CD109: variants seen among roughly 807,000 people sequenced by gnomAD.
The protein encoded by CD109 is CD109 molecule.
In CD109, 149 loss-of-function variants were observed where a neutral mutation model predicts 165.8. That is an observed-to-expected ratio of 0.90 (90% CI 0.79 to 1.03). The LOEUF is 1.03. Among genes scored for constraint, CD109 ranks in the 50% least tolerant of loss-of-function variants. The probability of loss-of-function intolerance (pLI) is 0.00; values close to 1 mark genes in which losing one functional copy is unlikely to be tolerated. For missense variants in CD109, 1,712 were observed against 1,677.8 expected, an observed-to-expected ratio of 1.02 and a Z score of -0.36; for synonymous variants, 585 against 592.1, an observed-to-expected ratio of 0.99 and a Z score of 0.18.
intron 13 of CD109, 55 bp downstream of exon 13, chr6:73,767,065 CA>C (rs1773881754): frequency 6.7e-7 from 1 of 1,483,322 alleles, no homozygotes; most frequent in East Asian, 2.3e-5. Context: ...TCTTTTTATT[CA>C]CTTTTAAGTT....
At chr6:73,795,913 A>G (rs1296016799) in intron 23 of CD109, among the ~76,000 whole-genome samples, 1 of 152,252 alleles carries the variant, frequency 6.6e-6, no homozygotes, top group Non-Finnish European at 1.5e-5. Flanking sequence ...TTGAGGAGTC[A>G]GTGAGATATG....
chr6:73,712,879 A>G (rs1227827342), intron 2 of CD109, among the ~76,000 whole-genome samples: 1 of 152,258 alleles, frequency 6.6e-6, no homozygotes, highest in African/African-American at 2.4e-5. Flanking sequence ...AGAACCTTAC[A>G]TAACAGAGTG....
At chr6:73,707,726 T>C (rs1771335287) in intron 2 of CD109, among the ~76,000 whole-genome samples, 1 of 152,048 alleles carries the variant, frequency 6.6e-6, no homozygotes, top group African/African-American at 2.4e-5. Flanking sequence ...AAATACATAA[T>C]GGATTTTGAA....
At chr6:73,811,278 G>T (rs1775751156) in intron 28 of CD109, 131 bp downstream of exon 28, 3 of 1,067,314 alleles carry the variant, frequency 2.8e-6, no homozygotes, top group Non-Finnish European at 3.8e-6. Context: ...AGGGAGAAGT[G>T]GTGCCCTTCT....
chr6:73,757,209 T>TTA (rs1773429870), intron 6 of CD109, among the ~76,000 whole-genome samples: 1 of 152,144 alleles, frequency 6.6e-6, no homozygotes, highest in Non-Finnish European at 1.5e-5. Flanking sequence ...ATTTGAATAG[T>TTA]TATTTTGAGG....
rs1199792109 is a variant in CD109 at position 73,790,965 on chromosome 6, TTTAA to T, written c.2702-1655_2702-1652del. 3.3e-5 allele frequency among the ~76,000 whole-genome samples: 5 copies of T among 151,890 alleles called. No homozygotes were observed. In the East Asian group the frequency reaches 9.7e-4, roughly 29 times the overall value. ...CTTTACAAATAACTGAAGAAAACAT[TTTAA>T]TTAATGACGTCTAATAGTTTGTTAG... On this transcript the variant is annotated intron_variant, in intron 22 of 32. Transcript: ENST00000287097.
intron 23 of CD109, among the ~76,000 whole-genome samples, chr6:73,801,884 G>T (rs947293086): frequency 5.3e-4 from 81 of 152,320 alleles, no homozygotes; most frequent in African/African-American, 1.9e-3. Flanking sequence ...TAGTGGAATT[G>T]TGTAATTTTT....
the CD109 span, among the ~76,000 whole-genome samples, chr6:73,680,925 T>C: frequency 6.6e-6 from 1 of 152,186 alleles, no homozygotes; most frequent in Non-Finnish European, 1.5e-5. Context: ...TTCTCTTCAG[T>C]CTTCATTTTA....
At chr6:73,730,207 C>T (rs940805609) in intron 3 of CD109, 137 bp from the exon 4 acceptor site, 1 of 622,430 alleles carries the variant, frequency 1.6e-6, no homozygotes, top group African/African-American at 1.8e-5. Context: ...ACTCTGATGC[C>T]TGGGAGGGGC....
intron 22 of CD109, among the ~76,000 whole-genome samples, chr6:73,791,896 G>A (rs1223058624): frequency 1.3e-5 from 2 of 151,752 alleles, no homozygotes; most frequent in Non-Finnish European, 2.9e-5. Flanking sequence ...TTTGGACTTG[G>A]CTTGGTATAA....
At chr6:73,745,513 G>A (rs991977862) in intron 5 of CD109, among the ~76,000 whole-genome samples, 41 of 152,114 alleles carry the variant, frequency 2.7e-4, no homozygotes, top group African/African-American at 9.4e-4. Flanking sequence ...TATGACTTGT[G>A]GATGCCACGG....
intron 4 of CD109, among the ~76,000 whole-genome samples, chr6:73,732,772 C>G (rs1397637568): frequency 6.6e-6 from 1 of 152,240 alleles, no homozygotes; most frequent in African/African-American, 2.4e-5. Context: ...CTACTCTGCT[C>G]TAGTATCTTC....
intron 10 of CD109, among the ~76,000 whole-genome samples, chr6:73,764,524 G>C (rs767994377): frequency 6.6e-6 from 1 of 152,174 alleles, no homozygotes; most frequent in Non-Finnish European, 1.5e-5. Context: ...TTAAAGAAAG[G>C]AGGAGTCAGG....
chr6:73,736,741 A>C (rs1252726413), intron 5 of CD109, among the ~76,000 whole-genome samples: 1 of 152,212 alleles, frequency 6.6e-6, no homozygotes, highest in Non-Finnish European at 1.5e-5. Context: ...TGATGTTTAA[A>C]GGTTAAAACA....
At chr6:73,729,884 T>G (rs117954833) in intron 3 of CD109, among the ~76,000 whole-genome samples, 92 of 152,196 alleles carry the variant, frequency 6.0e-4, no homozygotes, top group Non-Finnish European at 1.1e-3. Context: ...ATGACACATA[T>G]GCGCAAGATG....
At chr6:73,693,529 C>T (rs1329733719), upstream of CD109, among the ~76,000 whole-genome samples, 2 of 152,154 alleles carry the variant, frequency 1.3e-5, no homozygotes, top group African/African-American at 2.4e-5. Context: ...AACCCAATAT[C>T]TTATTGTTAC....
rs563704313 is a variant in CD109 at position 73,748,085 on chromosome 6, G to T, written c.634-8558G>T. Among the ~76,000 whole-genome samples, 163 of 152,098 alleles carry T rather than the reference G, an allele frequency of 1.1e-3. 2 individuals carry two copies. Among genetic ancestry groups the T allele is most frequent in the African/African-American group, 3.5e-3 (145 of 41,492 alleles). ...GGGTTTCACCATGTTGCCCAGGCTGGTCTCTAACTCCTTAGCTCAAGTGAT... is the reference window on the plus strand; with the variant it reads ...GGGTTTCACCATGTTGCCCAGGCTGTTCTCTAACTCCTTAGCTCAAGTGAT... On this transcript the variant is annotated intron_variant, in intron 5 of 32. Coordinates refer to ENST00000287097, the MANE Select transcript of CD109 (RefSeq NM_133493.5).
intron 12 of CD109, 24 bp from the exon 13 acceptor site, chr6:73,766,924 A>G (rs546474785): frequency 2.5e-6 from 4 of 1,612,254 alleles, no homozygotes; most frequent in African/African-American, 1.3e-5. Context: ...TGATATGTAC[A>G]TATTAATTAA....
At chr6:73,794,429 A>G (rs1339917032) in intron 23 of CD109, among the ~76,000 whole-genome samples, 2 of 152,166 alleles carry the variant, frequency 1.3e-5, no homozygotes, top group East Asian at 3.9e-4. Flanking sequence ...TTTTGATAAA[A>G]TATTAAGGGA....
Sources: gnomAD v4.1 joint callset for allele counts (sites outside exome capture counted in the v4.1 genomes callset) on GRCh38, gnomAD v4.1.1 for gene constraint, MANE v1.5 for transcripts, NCBI Gene and HGNC (gene_info 2026-07-23, HGNC 2026-07-21) for gene names.